Variants in POM121 observed in about 807,000 individuals in gnomAD.
The protein encoded by POM121 is nuclear envelope pore membrane protein POM 121.
Under a neutral mutation model 81.3 loss-of-function variants are expected in POM121, and 32 were observed. The ratio of observed to expected loss-of-function variants is 0.39; its 90% confidence interval spans 0.30 to 0.53. The LOEUF is 0.53. Ranked by LOEUF, POM121 falls within the 20% of genes least tolerant of loss-of-function variation. POM121 has a pLI of 0.66. For synonymous variants in POM121, 514 were observed against 694.2 expected (o/e 0.74, Z 4.08); for missense variants, 1,138 against 1,614.6 (o/e 0.70, Z 5.06).
chr7:72,937,904 C>T (rs1421911780), intron 5 of POM121, among the ~76,000 whole-genome samples: 8 of 152,160 alleles, frequency 5.3e-5, no homozygotes, highest in Middle Eastern at 3.4e-3. Context: ...ATAAACGTTA[C>T]GACAGCATAT....
At chr7:72,933,009 G>A (rs1554498844) in intron 5 of POM121, among the ~76,000 whole-genome samples, 1 of 150,246 alleles carries the variant, frequency 6.7e-6, no homozygotes, top group Admixed American at 6.6e-5. Context: ...CAGAGATAGC[G>A]CCACTCCACT....
chr7:72,943,447 C>A lies in POM121; in HGVS notation c.3454C>A (p.Leu1152Met). Residue 1152 changes from leucine to methionine, a missense_variant, in exon 11 of 13, where the codon CTG becomes ATG. This residue lies in a region of POM121 where 336 missense variants were observed against 344.3 expected (regional missense o/e 0.98). Coordinates refer to ENST00000434423, the MANE Select transcript of POM121 (RefSeq NM_001387691.1). ...PFAGGLGQNA[L>M]GTTGQSTPFA... ...CGCAGGGGGCTTAGGTCAGAACGCC[C>A]TGGGCACCACCGGCCAGAGCACACC... 6.2e-7 allele frequency: 1 copy of A among 1,612,938 alleles called. No individual in the cohort carries two copies. Among genetic ancestry groups the A allele is most frequent in the East Asian group, 2.2e-5 (1 of 44,842 alleles).
intron 5 of POM121, among the ~76,000 whole-genome samples, chr7:72,933,434 T>C (rs562367035): frequency 1.3e-5 from 2 of 152,378 alleles, no homozygotes; most frequent in East Asian, 3.9e-4. Flanking sequence ...TTTTCAGTTC[T>C]GTTTCCATGA....
upstream of POM121, chr7:72,925,065 A>G (rs1172865401): frequency 4.4e-6 from 6 of 1,356,108 alleles, no homozygotes; most frequent in East Asian, 3.1e-5. Context: ...CGATGACGCG[A>G]CGCGCGGCGC....
chr7:72,884,452 T>C (rs1200862922), intron 1 of POM121, among the ~76,000 whole-genome samples: 1 of 149,674 alleles, frequency 6.7e-6, no homozygotes, highest in Non-Finnish European at 1.5e-5. Context: ...CCTTTTGAAA[T>C]ATATTTGATA....
intron 3 of POM121, 102 bp from the exon 4 acceptor site, chr7:72,928,283 T>C: frequency 6.8e-7 from 1 of 1,465,224 alleles, no homozygotes; most frequent in Non-Finnish European, 9.5e-7. Context: ...ATGGAATCTG[T>C]GCTCCATAGA....
intron 3 of POM121, among the ~76,000 whole-genome samples, chr7:72,905,456 C>T (rs879964630): frequency 6.6e-6 from 1 of 152,140 alleles, no homozygotes; most frequent in Non-Finnish European, 1.5e-5. Flanking sequence ...GTAATCCCAT[C>T]ACTTTGGGAG....
At position 72,943,138 on chromosome 7, in the gene POM121, G is replaced by A. The variant is rs373696639; in HGVS notation, c.3145G>A (p.Ala1049Thr). 49 of 1,612,924 alleles carry A rather than the reference G, an allele frequency of 3.0e-5. 1 individual carries two copies. The East Asian group carries it at 4.2e-4, about 14-fold the overall frequency. Reference protein sequence around the residue: ...GLKATASAFGAPASSQPAFGG... With the variant: ...GLKATASAFGTPASSQPAFGG... ...GAAAGCCACGGCTTCGGCCTTCGGC[G>A]CTCCCGCCAGCTCACAGCCCGCCTT... The change falls in exon 11 of 13, where the codon GCT (alanine) becomes ACT (threonine). Residue 1049 changes from alanine to threonine, a missense_variant. Ala to Thr is a moderately conservative substitution (Grantham distance 58, BLOSUM62 0). Around this residue, in one of 7 missense-constraint regions of POM121, gnomAD observed 336 missense variants for 344.3 expected, o/e 0.98. Coordinates refer to ENST00000434423, the MANE Select transcript of POM121 (RefSeq NM_001387691.1).
chr7:72,889,598 C>T (rs1791100016), intron 1 of POM121, among the ~76,000 whole-genome samples: 1 of 152,150 alleles, frequency 6.6e-6, no homozygotes, highest in African/African-American at 2.4e-5. Context: ...CCTTGACCTC[C>T]CAGGCTCAAG....
chr7:72,923,427 T>C (rs1554496370), upstream of POM121, among the ~76,000 whole-genome samples: 4 of 152,052 alleles, frequency 2.6e-5, no homozygotes, highest in African/African-American at 4.8e-5. Flanking sequence ...ATCATAACTT[T>C]TTTTTTTGAG....
intron 3 of POM121, among the ~76,000 whole-genome samples, chr7:72,898,969 CTTTTCTTTTCT>C (rs1230947595): frequency 5.6e-5 from 6 of 107,992 alleles, no homozygotes; most frequent in Non-Finnish European, 1.1e-4. Flanking sequence ...GTTTCTTTTT[CTTTTCTTTTCT>C]TTTTTTTTTT....
intron 1 of POM121, among the ~76,000 whole-genome samples, chr7:72,880,630 TG>T (rs1563127552): frequency 1.3e-5 from 2 of 151,984 alleles, no homozygotes; most frequent in Non-Finnish European, 2.9e-5. Flanking sequence ...GGCTCACACC[TG>T]TAATCCGAGC....
At chr7:72,928,336 G>C (rs1419224238) in intron 3 of POM121, 49 bp from the exon 4 acceptor site, 2 of 1,608,038 alleles carry the variant, frequency 1.2e-6, no homozygotes, top group Non-Finnish European at 1.7e-6. Context: ...ACTTTAAAGG[G>C]ACAAAAAAAG....
chr7:72,892,415 T>C (rs1428961784), intron 3 of POM121, among the ~76,000 whole-genome samples: 1 of 152,228 alleles, frequency 6.6e-6, no homozygotes, highest in African/African-American at 2.4e-5. Context: ...CAGTATTTGA[T>C]TGTGCTAGTC....
chr7:72,933,826 C>T (rs1275273737), intron 5 of POM121, among the ~76,000 whole-genome samples: 19 of 152,188 alleles, frequency 1.2e-4, no homozygotes, highest in East Asian at 5.8e-4. Context: ...AGGGAGCTGA[C>T]TGAATAACTT....
chr7:72,900,903 T>G (rs1277288804), intron 3 of POM121, among the ~76,000 whole-genome samples: 1 of 152,056 alleles, frequency 6.6e-6, no homozygotes, highest in Non-Finnish European at 1.5e-5. Flanking sequence ...CTTAAGTTTT[T>G]TTTTTTTTAT....
chr7:72,948,046 A>G lies in POM121; in HGVS notation c.*1812A>G, dbSNP rs1797810289. Reference sequence around the variant, plus strand: ...TCAAGCTTCTACCTGTACCTTATGTAAGGTAGACCCTCCTAGTGTCAGTAC... The same window carrying G: ...TCAAGCTTCTACCTGTACCTTATGTGAGGTAGACCCTCCTAGTGTCAGTAC... On this transcript the variant is annotated 3_prime_UTR_variant, in exon 13 of 13. Coordinates refer to ENST00000434423, the MANE Select transcript of POM121 (RefSeq NM_001387691.1). 4 of 1,236,598 alleles carry G rather than the reference A, an allele frequency of 3.2e-6. No homozygotes were observed. Among genetic ancestry groups the G allele is most frequent in the Non-Finnish European group, 4.1e-6 (4 of 980,754 alleles). The allele number at this position is 1,236,598 out of a possible 1,614,324, so 76.6% of individuals were successfully genotyped here. A position where few individuals can be genotyped will look rare whatever the true frequency, so the allele number is the denominator to read the frequency against.
intron 11 of POM121, among the ~76,000 whole-genome samples, chr7:72,944,850 C>T (rs1190240123): frequency 6.6e-6 from 1 of 152,110 alleles, no homozygotes; most frequent in Non-Finnish European, 1.5e-5. Flanking sequence ...CATCAGTCAG[C>T]CTCACAGGGC....
intron 2 of POM121, chr7:72,890,765 T>G: frequency 1.3e-6 from 2 of 1,599,462 alleles, no homozygotes; most frequent in Admixed American, 1.7e-5. Context: ...TGAGGATAGC[T>G]TGCTTTCTGA....
Sources: allele counts gnomAD v4.1 joint callset (sites outside exome capture counted in the v4.1 genomes callset), GRCh38; gene constraint gnomAD v4.1.1; regional missense constraint gnomAD v4.1.1; transcripts MANE v1.5; gene names NCBI Gene and HGNC (gene_info 2026-07-23, HGNC 2026-07-21).